LRRC37A3: variants seen among roughly 807,000 people sequenced by gnomAD.
The protein encoded by LRRC37A3 is leucine-rich repeat-containing protein 37A3.
A neutral mutation model predicts 106.2 loss-of-function variants in LRRC37A3; 25 were observed. The observed-to-expected ratio is 0.24, with a 90% CI of 0.17 to 0.33. The LOEUF is 0.33. Ranked by LOEUF, LRRC37A3 falls within the 10% of genes least tolerant of loss-of-function variation. The pLI, the probability that LRRC37A3 is intolerant of heterozygous loss-of-function variation, is 1.00. For missense variants in LRRC37A3, 712 were observed against 1,644.9 expected, an observed-to-expected ratio of 0.43 and a Z score of 9.81; for synonymous variants, 305 against 635.8, an observed-to-expected ratio of 0.48 and a Z score of 7.83.
chr17:64,874,375 C>T (rs933800584), intron 8 of LRRC37A3, among the ~76,000 whole-genome samples: 109 of 149,990 alleles, frequency 7.3e-4, no homozygotes, highest in African/African-American at 1.8e-3. Flanking sequence ...GCCCGGCAGC[C>T]GCCCCGTCTG....
At chr17:64,905,091 AAATC>A (rs1416569919) in intron 2 of LRRC37A3, among the ~76,000 whole-genome samples, 1 of 152,198 alleles carries the variant, frequency 6.6e-6, no homozygotes, top group Non-Finnish European at 1.5e-5. Flanking sequence ...ATTAATTAAT[AAATC>A]AATGTATTAA....
chr17:64,912,532 C>T (rs1322632648), intron 2 of LRRC37A3, among the ~76,000 whole-genome samples: 2 of 151,972 alleles, frequency 1.3e-5, no homozygotes, highest in African/African-American at 2.4e-5. Context: ...ATTAATAAAA[C>T]ATAACACTAA....
chr17:64,866,634 T>A (rs1236371031), intron 10 of LRRC37A3, among the ~76,000 whole-genome samples: 34 of 73,398 alleles, frequency 4.6e-4, no homozygotes, highest in Non-Finnish European at 5.9e-4. Context: ...ATATATTTTT[T>A]TTTTTTTTTT....
intron 4 of LRRC37A3, among the ~76,000 whole-genome samples, chr17:64,893,607 T>C (rs1450188193): frequency 7.3e-6 from 1 of 136,850 alleles, no homozygotes; most frequent in Admixed American, 7.0e-5. Flanking sequence ...TAATTATATA[T>C]ACCTCCCTTT....
At chr17:64,876,038 C>T (rs1408630165) in intron 8 of LRRC37A3, among the ~76,000 whole-genome samples, 1 of 152,106 alleles carries the variant, frequency 6.6e-6, no homozygotes, top group African/African-American at 2.4e-5. Flanking sequence ...ACTCGGCTAA[C>T]TAAAAAAAAT....
At chr17:64,865,318 A>G (rs1053872363) in intron 10 of LRRC37A3, among the ~76,000 whole-genome samples, 3 of 151,972 alleles carry the variant, frequency 2.0e-5, no homozygotes, top group Non-Finnish European at 4.4e-5. Flanking sequence ...TAATTTTTGT[A>G]TATTTTGTAG....
At chr17:64,909,746 C>A (rs1405629622) in intron 2 of LRRC37A3, 1 of 152,194 alleles carries the variant, frequency 6.6e-6, no homozygotes, top group African/African-American at 2.4e-5. Flanking sequence ...TGAAGCTTAA[C>A]CAAAGACATT....
At position 64,868,445 on chromosome 17, in the gene LRRC37A3, G is replaced by A. The variant is rs376059373; in HGVS notation, c.3053+17C>T. Reference sequence around the variant, plus strand: ...AAACAACTACGTAAAAATAAATCTCGGAAAAAAATAACTTACAGTTTTTCC... The same window carrying A: ...AAACAACTACGTAAAAATAAATCTCAGAAAAAAATAACTTACAGTTTTTCC... On this transcript the variant is annotated intron_variant, in intron 10 of 14. Coordinates refer to ENST00000584306, the MANE Select transcript of LRRC37A3 (RefSeq NM_199340.5). The A allele has an allele frequency of 3.1e-5, 50 of 1,609,154 alleles. No individual in the cohort carries two copies. The highest frequency in any genetic ancestry group is 1.6e-4 in the Middle Eastern group (1 of 6,062).
Position 64,916,200 on chromosome 17 carries a change from T to A in LRRC37A3, c.-496+2550A>T, listed in dbSNP as rs569068424. Among the ~76,000 whole-genome samples, 521 of 151,682 alleles carry A rather than the reference T, an allele frequency of 3.4e-3. 3 individuals are homozygous for A. The highest frequency in any genetic ancestry group is 6.3e-3 in the Non-Finnish European group (426 of 67,946). ...GCAGGAGGATCACAAGGTCAGGAGA[T>A]CAAGACCATCCTGGCTAACATGGTG... On this transcript the variant is annotated intron_variant, in intron 2 of 14. Transcript: ENST00000584306.
rs1972827925 is a variant in LRRC37A3, at chr17:64,860,424, T to C, written c.3722A>G (p.His1241Arg). The C allele has an allele frequency of 6.2e-7, 1 of 1,613,996 alleles. No individual in the cohort carries two copies. Among genetic ancestry groups the C allele is most frequent in the Non-Finnish European group, 8.5e-7 (1 of 1,179,866 alleles). The change falls in exon 12 of 15, where the codon CAT becomes CGT. Residue 1241 changes from histidine to arginine, a missense_variant. His to Arg is a conservative substitution (Grantham distance 29). Transcript: ENST00000584306. Reference sequence around the variant, plus strand: ...TTTCAGCACAGAGACTGCTGCCTTATGCTCTTGGGTGAACGAAGGCTTGGT... The same window carrying C: ...TTTCAGCACAGAGACTGCTGCCTTACGCTCTTGGGTGAACGAAGGCTTGGT... ...VYTKPSFTQE[H>R]KAAVSVLKPF...
At chr17:64,871,947 C>A (rs1282102938) in intron 8 of LRRC37A3, among the ~76,000 whole-genome samples, 1 of 151,868 alleles carries the variant, frequency 6.6e-6, no homozygotes, top group Non-Finnish European at 1.5e-5. Context: ...TCCTGGCTAA[C>A]AAGGCGAAAC....
At chr17:64,878,087 CTTAAA>C (rs1187022209) in intron 8 of LRRC37A3, among the ~76,000 whole-genome samples, 1 of 152,070 alleles carries the variant, frequency 6.6e-6, no homozygotes, top group Non-Finnish European at 1.5e-5. Context: ...ATCTCATGAC[CTTAAA>C]TTAGACAACA....
intron 8 of LRRC37A3, chr17:64,881,222 G>A (rs1973690654): frequency 4.3e-6 from 3 of 699,308 alleles, no homozygotes; most frequent in Admixed American, 4.0e-5. Flanking sequence ...CTGAAACAGT[G>A]AGCCTTTTTC....
chr17:64,874,033 G>T (rs577967324), intron 8 of LRRC37A3, among the ~76,000 whole-genome samples: 1 of 152,198 alleles, frequency 6.6e-6, no homozygotes. Flanking sequence ...TATCTTGAAA[G>T]CAGCAAGAGA....
In LRRC37A3 at chr17:64,858,781, C is replaced by G; in HGVS notation, c.4807G>C (p.Glu1603Gln). 1.2e-6 allele frequency: 2 copies of G among 1,605,060 alleles called. No homozygotes were observed. Reference protein sequence around the residue: ...TILIILLCLIEICCHRRSLQE... With the variant: ...TILIILLCLIQICCHRRSLQE... ...CCTGAATTAATTATTGTCCTTACCT[C>G]AATGAGGCAGAGAAGTATAATCAAA... is the stretch of plus-strand genomic sequence containing the variant. The change falls in exon 13 of 15, where the codon GAG (glutamate) becomes CAG (glutamine). Residue 1603 changes from glutamate to glutamine, a missense_variant and splice_region_variant. By Grantham distance (29) the Glu-to-Gln change is conservative. Transcript: ENST00000584306.
At chr17:64,917,245 C>CAAAAAAAA (rs1283286984) in intron 2 of LRRC37A3, among the ~76,000 whole-genome samples, 1 of 28,404 alleles carries the variant, frequency 3.5e-5, no homozygotes, top group Admixed American at 3.6e-4. Flanking sequence ...GACTCCATCT[C>CAAAAAAAA]AAAAAAAAAA....
chr17:64,869,848 TTTTATC>T (rs1245683989), intron 8 of LRRC37A3, among the ~76,000 whole-genome samples: 2 of 151,562 alleles, frequency 1.3e-5, no homozygotes, highest in African/African-American at 4.9e-5. Flanking sequence ...GCTGCTTGTC[TTTTATC>T]TTTATAAAGT....
In LRRC37A3 at chr17:64,860,523, C is replaced by T; in HGVS notation, c.3623G>A (p.Ser1208Asn). ...ENTAEEKRLG[S>N]PAPRELKQPH... ...CTGTTTCAGCTCCCTTGGGGCTGGACTTCCGAGCCTTTTTTCTTCGGCAGT... is the reference window on the plus strand; with the variant it reads ...CTGTTTCAGCTCCCTTGGGGCTGGATTTCCGAGCCTTTTTTCTTCGGCAGT... The change falls in exon 12 of 15, where the codon AGT (serine) becomes AAT (asparagine). Residue 1208 changes from serine to asparagine, a missense_variant. Ser to Asn is a conservative substitution (Grantham distance 46). Coordinates refer to ENST00000584306, the MANE Select transcript of LRRC37A3 (RefSeq NM_199340.5). 1 of 1,612,858 alleles carries T rather than the reference C, an allele frequency of 6.2e-7. No homozygotes were observed. Among genetic ancestry groups the T allele is most frequent in the Non-Finnish European group, 8.5e-7 (1 of 1,179,870 alleles).
At chr17:64,870,915 G>A (rs1158751725) in intron 8 of LRRC37A3, among the ~76,000 whole-genome samples, 3 of 151,252 alleles carry the variant, frequency 2.0e-5, no homozygotes, top group Non-Finnish European at 4.4e-5. Context: ...CATTGACCAG[G>A]CTGGAGTGCA....
Sources: allele counts gnomAD v4.1 joint callset (sites outside exome capture counted in the v4.1 genomes callset), GRCh38; gene constraint gnomAD v4.1.1; transcripts MANE v1.5; gene names NCBI Gene and HGNC (gene_info 2026-07-23, HGNC 2026-07-21).